Variants in AKAP6 observed in about 807,000 individuals in gnomAD.
The protein encoded by AKAP6 is A-kinase anchor protein 6.
Under a neutral mutation model 188.5 loss-of-function variants are expected in AKAP6, and 58 were observed. That is an observed-to-expected ratio of 0.31 (90% CI 0.25 to 0.38). The LOEUF is 0.38. Ranked by LOEUF, AKAP6 falls within the 10% of genes least tolerant of loss-of-function variation. The pLI is 1.00. For missense variants in AKAP6, 2,710 were observed against 2,740.0 expected, an observed-to-expected ratio of 0.99 and a Z score of 0.24; for synonymous variants, 989 against 998.6, an observed-to-expected ratio of 0.99 and a Z score of 0.18.
intron 7 of AKAP6, among the ~76,000 whole-genome samples, chr14:32,671,729 A>G (rs1889204992): frequency 6.6e-6 from 1 of 152,136 alleles, no homozygotes; most frequent in Non-Finnish European, 1.5e-5. Flanking sequence ...AGATGCAGAT[A>G]GGCAGTAGTA....
At chr14:32,681,842 C>A (rs1889689714) in intron 8 of AKAP6, among the ~76,000 whole-genome samples, 1 of 152,046 alleles carries the variant, frequency 6.6e-6, no homozygotes, top group Non-Finnish European at 1.5e-5. Flanking sequence ...CCATGCCCAG[C>A]TGATTTTTTG....
rs184407311 is a variant in AKAP6, at chr14:32,788,855, G to A, written c.3588+14962G>A. Among the ~76,000 whole-genome samples the A allele has an allele frequency of 4.6e-5, 7 of 152,290 alleles. No individual in the cohort carries two copies. In the South Asian group the frequency reaches 6.2e-4, roughly 14 times the overall value. On this transcript the variant is annotated intron_variant, in intron 12 of 13. Transcript: ENST00000280979. ...CTAGGAAGGGTGCTGAATTCAGGGA[G>A]CCAAGCAGCGTCATTCTGCGGGCCC...
chr14:32,361,274 G>A (rs1887655141), intron 1 of AKAP6, among the ~76,000 whole-genome samples: 1 of 151,408 alleles, frequency 6.6e-6, no homozygotes, highest in Non-Finnish European at 1.5e-5. Context: ...CCAAATAGTA[G>A]TTTTCCAGGA....
intron 12 of AKAP6, among the ~76,000 whole-genome samples, chr14:32,806,280 G>C (rs921258513): frequency 1.3e-5 from 2 of 152,200 alleles, no homozygotes; most frequent in African/African-American, 4.8e-5. Context: ...GGAAATGACA[G>C]CACCAATTAC....
At chr14:32,392,926 A>T (rs1353109066) in intron 1 of AKAP6, among the ~76,000 whole-genome samples, 1 of 152,110 alleles carries the variant, frequency 6.6e-6, no homozygotes, top group East Asian at 1.9e-4. Context: ...GAAATTATGG[A>T]AATAGAAAAA....
rs756287690 is a variant in AKAP6 at position 32,823,987 on chromosome 14, C to T, written c.6174C>T (p.Asn2058=). Residue 2058 remains asparagine (N), a synonymous_variant, in exon 13 of 14, where the codon AAC becomes AAT. Transcript: ENST00000280979. ...ATGCCGAAGATTGTTCAGTACACAACTTTGTTAAGGAAATCATTGACATGG... is the reference window on the plus strand; with the variant it reads ...ATGCCGAAGATTGTTCAGTACACAATTTTGTTAAGGAAATCATTGACATGG... ...QKDAEDCSVH[N]FVKEIIDMAS... The T allele has an allele frequency of 2.5e-6, 4 of 1,613,932 alleles. No individual in the cohort carries two copies. Among genetic ancestry groups the T allele is most frequent in the Admixed American group, 1.7e-5 (1 of 59,940 alleles).
intron 1 of AKAP6, among the ~76,000 whole-genome samples, chr14:32,336,032 C>T (rs1015754442): frequency 5.3e-5 from 8 of 151,764 alleles, no homozygotes; most frequent in African/African-American, 1.7e-4. Context: ...AAGTCCATAT[C>T]TGCCATTACT....
At chr14:32,675,457 C>T (rs1439036020) in intron 7 of AKAP6, among the ~76,000 whole-genome samples, 3 of 152,072 alleles carry the variant, frequency 2.0e-5, no homozygotes, top group African/African-American at 7.2e-5. Flanking sequence ...GAGATTGTTA[C>T]TGTTTTTAAA....
chr14:32,684,209 G>A (rs1287370412), intron 8 of AKAP6, among the ~76,000 whole-genome samples: 1 of 152,194 alleles, frequency 6.6e-6, no homozygotes, highest in East Asian at 1.9e-4. Context: ...CTATGGGGTA[G>A]CAGAGGCTGA....
At chr14:32,378,691 T>G (rs1457580828) in intron 1 of AKAP6, among the ~76,000 whole-genome samples, 1 of 152,222 alleles carries the variant, frequency 6.6e-6, no homozygotes, top group East Asian at 1.9e-4. Context: ...ACAAAGCTAT[T>G]AAGATGACCA....
intron 2 of AKAP6, among the ~76,000 whole-genome samples, chr14:32,443,557 C>T (rs1890661088): frequency 6.6e-6 from 1 of 152,188 alleles, no homozygotes; most frequent in South Asian, 2.1e-4. Flanking sequence ...AAGCTGACAA[C>T]ACCTGGAAGG....
chr14:32,573,014 G>A (rs1325616667), intron 4 of AKAP6, among the ~76,000 whole-genome samples: 1 of 152,066 alleles, frequency 6.6e-6, no homozygotes, highest in African/African-American at 2.4e-5. Flanking sequence ...TGACAAAGAA[G>A]GAAACAGTTA....
chr14:32,607,254 A>G (rs1246748924), intron 7 of AKAP6, among the ~76,000 whole-genome samples: 1 of 152,202 alleles, frequency 6.6e-6, no homozygotes, highest in East Asian at 1.9e-4. Flanking sequence ...AAGCTTATGT[A>G]GTTAGCATGT....
intron 2 of AKAP6, among the ~76,000 whole-genome samples, chr14:32,525,321 A>G (rs1177970905): frequency 1.3e-5 from 2 of 152,228 alleles, no homozygotes; most frequent in Non-Finnish European, 2.9e-5. Flanking sequence ...AGCTCAATAA[A>G]TGAATCCTCT....
In AKAP6 at chr14:32,660,932, C is replaced by T. The variant is rs377761436; in HGVS notation, c.2731-17379C>T. Among the ~76,000 whole-genome samples, 28 of 101,366 alleles carry T rather than the reference C, an allele frequency of 2.8e-4. 1 individual carries two copies. Among genetic ancestry groups the T allele is most frequent in the Admixed American group, 1.5e-3 (16 of 10,664 alleles). 66.5% of individuals were successfully genotyped at this position (101,366 alleles called of 152,430 possible). Reference sequence around the variant, plus strand: ...ATATTTTCTTCCCCGCCACCCCCCCCCCTCCCAATTCCAGCCATTTGTCCT... The same window carrying T: ...ATATTTTCTTCCCCGCCACCCCCCCTCCTCCCAATTCCAGCCATTTGTCCT... On this transcript the variant is annotated intron_variant, in intron 7 of 13. Transcript: ENST00000280979.
chr14:32,362,362 A>G (rs182294631), intron 1 of AKAP6, among the ~76,000 whole-genome samples: 19 of 152,354 alleles, frequency 1.2e-4, no homozygotes, highest in Non-Finnish European at 2.5e-4. Context: ...ACACAGGTGC[A>G]TAGACAGAAT....
intron 11 of AKAP6, among the ~76,000 whole-genome samples, chr14:32,760,238 C>A (rs993150165): frequency 2.0e-5 from 3 of 152,180 alleles, no homozygotes; most frequent in Non-Finnish European, 4.4e-5. Context: ...TGAGAACCAA[C>A]TTATATCTTA....
chr14:32,510,464 A>ATATATATATATACATATATATATGTG (rs1594693026), intron 2 of AKAP6, among the ~76,000 whole-genome samples: 6 of 70,084 alleles, frequency 8.6e-5, no homozygotes, highest in Admixed American at 4.0e-4. Context: ...ATATATGTGT[A>ATATATATATATACATATATATATGTG]TATATATATA....
intron 7 of AKAP6, among the ~76,000 whole-genome samples, chr14:32,640,967 A>T (rs1169539346): frequency 6.6e-6 from 1 of 152,206 alleles, no homozygotes; most frequent in South Asian, 2.1e-4. Context: ...CCTTTTGGTG[A>T]TGTGTTTTCA....
Sources: allele counts gnomAD v4.1 joint callset (sites outside exome capture counted in the v4.1 genomes callset), GRCh38; gene constraint gnomAD v4.1.1; transcripts MANE v1.5; gene names NCBI Gene and HGNC (gene_info 2026-07-23, HGNC 2026-07-21).